DUSP16: variants seen among roughly 807,000 people sequenced by gnomAD.
The protein encoded by DUSP16 is dual specificity protein phosphatase 16.
Under a neutral mutation model 58.3 loss-of-function variants are expected in DUSP16, and 21 were observed. The ratio of observed to expected loss-of-function variants is 0.36; its 90% CI spans 0.26 to 0.52. The LOEUF (loss-of-function observed/expected upper bound fraction) is 0.52, where lower values mean the gene tolerates loss of function less well. DUSP16 is among the 20% of genes least tolerant of loss of function. The probability of loss-of-function intolerance (pLI) is 0.94; values close to 1 mark genes in which losing one functional copy is unlikely to be tolerated. For synonymous variants in DUSP16, 320 were observed against 323.8 expected (o/e 0.99, Z 0.12); for missense variants, 726 against 819.0 (o/e 0.89, Z 1.39).
chr12:12,528,880 AAC>A lies in DUSP16; in HGVS notation c.-365-7419_-365-7418del, dbSNP rs1268262058. Among the ~76,000 whole-genome samples the A allele has an allele frequency of 5.9e-5, 9 of 152,152 alleles. 1 individual carries two copies. The highest frequency in any genetic ancestry group is 2.2e-4 in the African/African-American group (9 of 41,414). ...GTGCGGGGGTGGCTGTTAAATTGTA[AAC>A]AGAGTAGTCACAGAAGGCCTTACCT... On this transcript the variant is annotated intron_variant, in intron 1 of 6. Coordinates refer to ENST00000298573, the MANE Select transcript of DUSP16 (RefSeq NM_030640.3).
chr12:12,486,832 C>T (rs1309052827), intron 5 of DUSP16, among the ~76,000 whole-genome samples, 196 bp downstream of exon 5: 1 of 152,184 alleles, frequency 6.6e-6, no homozygotes, highest in Non-Finnish European at 1.5e-5. Context: ...TGTCACAAGG[C>T]CAGTCCTTAG....
intron 5 of DUSP16, among the ~76,000 whole-genome samples, chr12:12,483,943 C>T (rs1176159852): frequency 7.1e-6 from 1 of 141,510 alleles, no homozygotes. Flanking sequence ...TAAAACCCCA[C>T]AGATCCCTAA....
intron 1 of DUSP16, among the ~76,000 whole-genome samples, chr12:12,542,631 T>C (rs1320405975): frequency 2.0e-5 from 3 of 152,184 alleles, no homozygotes; most frequent in Admixed American, 2.0e-4. Flanking sequence ...ACTGAAATTA[T>C]ATCTCAACTT....
At position 12,474,478 on chromosome 12, in the gene DUSP16, G is replaced by A. The variant is rs1050291555; in HGVS notation, c.*2355C>T. 5 of 152,220 alleles carry A rather than the reference G, an allele frequency of 3.3e-5. No individual in the cohort carries two copies. Among genetic ancestry groups the A allele is most frequent in the East Asian group, 1.9e-4 (1 of 5,196 alleles). 9.4% of individuals were successfully genotyped at this position (152,220 alleles called of 1,614,324 possible). A position where few individuals can be genotyped will look rare whatever the true frequency, so the allele number is the denominator to read the frequency against. On this transcript the variant is annotated 3_prime_UTR_variant, in exon 7 of 7. Transcript: ENST00000298573. ...CATCTGTATCACCCCTAGTAGACGC[G>A]AGGGTTTCCCCAATTACATGCTGAA... is the stretch of plus-strand genomic sequence containing the variant.
At chr12:12,515,740 T>C (rs902712336) in intron 3 of DUSP16, among the ~76,000 whole-genome samples, 3 of 152,028 alleles carry the variant, frequency 2.0e-5, no homozygotes, top group Non-Finnish European at 4.4e-5. Flanking sequence ...AAGGAAACAA[T>C]GGTTTGCCAT....
At chr12:12,555,316 C>G (rs942490015) in intron 1 of DUSP16, among the ~76,000 whole-genome samples, 3 of 152,222 alleles carry the variant, frequency 2.0e-5, no homozygotes, top group African/African-American at 7.2e-5. Context: ...AAGTCAACCC[C>G]TTGCAAACTG....
intron 3 of DUSP16, 77 bp downstream of exon 3, chr12:12,519,785 T>G (rs894917508): frequency 8.8e-6 from 13 of 1,471,724 alleles, no homozygotes; most frequent in Non-Finnish European, 1.2e-5. Context: ...TCTATTGTAC[T>G]GAGTTCACAG....
intron 4 of DUSP16, among the ~76,000 whole-genome samples, chr12:12,497,972 G>T (rs1050374117): frequency 3.1e-4 from 47 of 150,880 alleles, no homozygotes; most frequent in Middle Eastern, 6.8e-3. Flanking sequence ...CCATCTCAAA[G>T]AAACAAAACA....
At chr12:12,481,097 TA>T (rs1303234593) in intron 5 of DUSP16, among the ~76,000 whole-genome samples, 4 of 152,128 alleles carry the variant, frequency 2.6e-5, no homozygotes, top group African/African-American at 9.7e-5. Flanking sequence ...AAACCTTGTA[TA>T]GGCTATGAAT....
Position 12,562,715 on chromosome 12 carries a change from A to G in DUSP16, c.-964T>C, listed in dbSNP as rs1944926132. On this transcript the variant is annotated 5_prime_UTR_variant, in exon 1 of 7. Transcript: ENST00000298573. ...TCAGCGGAGCCCCGGGGAAAGGAGG[A>G]GACAGGCGAGGGCAGGGCGGTGGGC... Among the ~76,000 whole-genome samples, 1 of 151,568 alleles carries G rather than the reference A, an allele frequency of 6.6e-6. No individual in the cohort carries two copies.
intron 1 of DUSP16, among the ~76,000 whole-genome samples, chr12:12,559,679 T>G (rs1944865676): frequency 6.6e-6 from 1 of 152,212 alleles, no homozygotes; most frequent in Non-Finnish European, 1.5e-5. Flanking sequence ...AATTTAATAC[T>G]GGACAGCTAT....
At chr12:12,493,100 T>G (rs986195646) in intron 4 of DUSP16, among the ~76,000 whole-genome samples, 1 of 152,094 alleles carries the variant, frequency 6.6e-6, no homozygotes, top group East Asian at 1.9e-4. Context: ...TTATACCTCC[T>G]CCTTCAGGGA....
chr12:12,483,843 TAAC>T (rs981594126), intron 5 of DUSP16, among the ~76,000 whole-genome samples: 11 of 151,732 alleles, frequency 7.2e-5, no homozygotes, highest in African/African-American at 1.9e-4. Context: ...CTAATCTAAA[TAAC>T]AACAACAAAA....
At chr12:12,528,858 C>A (rs1050792497) in intron 1 of DUSP16, among the ~76,000 whole-genome samples, 1 of 151,856 alleles carries the variant, frequency 6.6e-6, no homozygotes, top group Admixed American at 6.6e-5. Context: ...AAAGGGTGTG[C>A]GGGGGTGGCT....
intron 1 of DUSP16, among the ~76,000 whole-genome samples, chr12:12,524,457 A>C (rs528644522): frequency 1.3e-5 from 2 of 152,334 alleles, no homozygotes; most frequent in Admixed American, 6.5e-5. Context: ...CAATGGCCTT[A>C]ATCTCTTTCA....
chr12:12,546,602 A>C (rs954502672), intron 1 of DUSP16, among the ~76,000 whole-genome samples: 4 of 152,188 alleles, frequency 2.6e-5, no homozygotes, highest in African/African-American at 4.8e-5. Context: ...AAAGCAATAT[A>C]GATGTCACAG....
At chr12:12,511,936 C>T (rs1398948574) in intron 3 of DUSP16, among the ~76,000 whole-genome samples, 3 of 152,134 alleles carry the variant, frequency 2.0e-5, no homozygotes, top group Non-Finnish European at 2.9e-5. Context: ...ATCTGGGATG[C>T]TTTTGTTTGG....
chr12:12,557,693 C>T (rs1944829729), intron 1 of DUSP16, among the ~76,000 whole-genome samples: 1 of 152,214 alleles, frequency 6.6e-6, no homozygotes, highest in Non-Finnish European at 1.5e-5. Context: ...CGACCCTGAT[C>T]ATTACCTTTA....
At chr12:12,495,311 T>G (rs1340277247) in intron 4 of DUSP16, among the ~76,000 whole-genome samples, 2 of 151,524 alleles carry the variant, frequency 1.3e-5, no homozygotes, top group African/African-American at 4.9e-5. Flanking sequence ...TAATTGGTGT[T>G]AAGTAGGGAA....
Sources: allele counts gnomAD v4.1 joint callset (sites outside exome capture counted in the v4.1 genomes callset), GRCh38; gene constraint gnomAD v4.1.1; transcripts MANE v1.5; gene names NCBI Gene and HGNC (gene_info 2026-07-23, HGNC 2026-07-21).